The following UBE2O variants were observed in gnomAD, a reference collection of about 807,000 sequenced individuals.
UBE2O encodes ubiquitin conjugating enzyme E2 O.
UBE2O carries 15 observed loss-of-function variants against 125.8 expected under a neutral mutation model. That is an observed-to-expected ratio of 0.12 (90% CI 0.08 to 0.18). UBE2O has a LOEUF of 0.18. Among genes scored for constraint, UBE2O ranks in the 10% least tolerant of loss-of-function variants. The pLI is 1.00. For synonymous variants in UBE2O, 708 were observed against 703.2 expected, an observed-to-expected ratio of 1.01 and a Z score of -0.11; for missense variants, 1,280 against 1,723.6, an observed-to-expected ratio of 0.74 and a Z score of 4.56.
At chr17:76,394,229 C>T (rs1336359740) in intron 15 of UBE2O, among the ~76,000 whole-genome samples, 2 of 152,200 alleles carry the variant, frequency 1.3e-5, no homozygotes, top group Non-Finnish European at 1.5e-5. Context: ...TTCTTACTCC[C>T]TTCCTTCCAG....
At position 76,452,198 on chromosome 17, in the gene UBE2O, G is replaced by A. The variant is rs2073259135; in HGVS notation, c.417+527C>T. On this transcript the variant is annotated intron_variant, in intron 1 of 17. Coordinates refer to ENST00000319380, the MANE Select transcript of UBE2O (RefSeq NM_022066.4). This position sits in a 1 kb window ranked among gnomAD's most constrained non-coding sequence, Gnocchi z 4.4. The stretch of plus-strand genomic sequence containing the variant: ...GAGGCAGCAGGGTAAAACAAAAAGA[G>A]GCTGGGTGGCTTCACCATAATGCAG... 6.6e-6 allele frequency among the ~76,000 whole-genome samples: 1 copy of A among 152,178 alleles called. No individual in the cohort carries two copies. Among genetic ancestry groups the A allele is most frequent in the Admixed American group, 6.5e-5 (1 of 15,284 alleles).
In UBE2O at chr17:76,390,911, C is replaced by G; in HGVS notation, c.*32G>C. On this transcript the variant is annotated 3_prime_UTR_variant, in exon 18 of 18. Coordinates refer to ENST00000319380, the MANE Select transcript of UBE2O (RefSeq NM_022066.4). ...TGAGCAGGCGGCGGCTGGCCTCTCC[C>G]ACGGTGATGCTCTTTCCTCTGTGCC... is the stretch of plus-strand genomic sequence containing the variant. The G allele has an allele frequency of 6.4e-7, 1 of 1,561,232 alleles. No homozygotes were observed. Among genetic ancestry groups the G allele is most frequent in the Non-Finnish European group, 8.7e-7 (1 of 1,154,806 alleles).
intron 1 of UBE2O, among the ~76,000 whole-genome samples, chr17:76,435,267 A>T (rs189730191): frequency 1.5e-3 from 225 of 152,314 alleles, no homozygotes; most frequent in Non-Finnish European, 2.2e-3. Context: ...ATACTCACAC[A>T]CATAGAGTTT....
Position 76,398,611 on chromosome 17 carries a change from C to T in UBE2O, c.1784-27G>A, listed in dbSNP as rs547183186. 92 of 1,606,044 alleles carry T rather than the reference C, an allele frequency of 5.7e-5. 1 individual carries two copies. In the South Asian group the frequency reaches 9.0e-4, roughly 16 times the overall value. ...TAGGGAACCAGAGAAAGGGAAGTGA[C>T]TAGCTAAGGGATCCCGGCTAAGGAG... On this transcript the variant is annotated intron_variant, in intron 10 of 17. Coordinates refer to ENST00000319380, the MANE Select transcript of UBE2O (RefSeq NM_022066.4). This position sits in a 1 kb window ranked among gnomAD's most constrained non-coding sequence, Gnocchi z 5.4.
chr17:76,420,086 C>T (rs552648226), intron 1 of UBE2O, among the ~76,000 whole-genome samples: 59 of 152,292 alleles, frequency 3.9e-4, no homozygotes, highest in East Asian at 1.4e-3. Context: ...CCCTACCCAG[C>T]GCAGCAGTGG....
chr17:76,450,341 C>T (rs1323985067), intron 1 of UBE2O, among the ~76,000 whole-genome samples: 1 of 152,140 alleles, frequency 6.6e-6, no homozygotes, highest in African/African-American at 2.4e-5. Flanking sequence ...TCACCTGTAT[C>T]TATAGCTCAT....
At chr17:76,436,471 A>G (rs189893587) in intron 1 of UBE2O, among the ~76,000 whole-genome samples, 2 of 152,056 alleles carry the variant, frequency 1.3e-5, no homozygotes, top group East Asian at 1.9e-4. Context: ...GACTCCAGCA[A>G]TTTTTCTTCG....
intron 1 of UBE2O, among the ~76,000 whole-genome samples, chr17:76,426,610 T>C (rs982982093): frequency 1.3e-5 from 2 of 152,200 alleles, no homozygotes; most frequent in African/African-American, 4.8e-5. Context: ...ACCCTTAAAA[T>C]TGGAACATGT....
Position 76,405,674 on chromosome 17 carries a change from A to G in UBE2O, c.418-102T>C. On this transcript the variant is annotated intron_variant, in intron 1 of 17. Coordinates refer to ENST00000319380, the MANE Select transcript of UBE2O (RefSeq NM_022066.4). This position sits in a 1 kb window ranked among gnomAD's most constrained non-coding sequence, Gnocchi z 6.1. Reference sequence around the variant, plus strand: ...GGAAAGCGTCACATCCACACTGCTAAGTGCACAAATCCTAAGCGTTTGGCT... The same window carrying G: ...GGAAAGCGTCACATCCACACTGCTAGGTGCACAAATCCTAAGCGTTTGGCT... The G allele has an allele frequency of 9.8e-7, 1 of 1,022,508 alleles. No individual in the cohort carries two copies. The highest frequency in any genetic ancestry group is 2.6e-5 in the East Asian group (1 of 38,554). The allele number at this position is 1,022,508 out of a possible 1,614,324, so 63.3% of individuals were successfully genotyped here.
At chr17:76,424,895 C>T (rs1451931234) in intron 1 of UBE2O, among the ~76,000 whole-genome samples, 7 of 145,082 alleles carry the variant, frequency 4.8e-5, no homozygotes, top group African/African-American at 1.0e-4. Context: ...GACAGAGTCT[C>T]GCCCTCACCC....
intron 1 of UBE2O, among the ~76,000 whole-genome samples, chr17:76,422,600 GC>G (rs1488672924): frequency 6.6e-6 from 1 of 152,222 alleles, no homozygotes; most frequent in Non-Finnish European, 1.5e-5. Context: ...GCCGAGGCAC[GC>G]CAGGCTTGGG....
intron 1 of UBE2O, among the ~76,000 whole-genome samples, chr17:76,440,034 A>G (rs550832531): frequency 6.6e-6 from 1 of 152,364 alleles, no homozygotes; most frequent in Admixed American, 6.5e-5. Context: ...TAGCAGTGAC[A>G]GAGATGCTTC....
Position 76,443,358 on chromosome 17 carries a change from G to A in UBE2O, c.417+9367C>T, listed in dbSNP as rs759144719. Among the ~76,000 whole-genome samples, 5 of 152,160 alleles carry A rather than the reference G, an allele frequency of 3.3e-5. No homozygotes were observed. In the East Asian group the frequency reaches 5.8e-4, roughly 18 times the overall value. ...GGCTGGAGTGCCGGGGCACGATCTC[G>A]GCTCACTGCAACCTCTGCCTCCTGG... On this transcript the variant is annotated intron_variant, in intron 1 of 17. Transcript: ENST00000319380.
At chr17:76,415,497 C>T (rs545546249) in intron 1 of UBE2O, among the ~76,000 whole-genome samples, 5 of 152,150 alleles carry the variant, frequency 3.3e-5, no homozygotes, top group Admixed American at 6.5e-5. Context: ...CAATTGGAAC[C>T]ATGCTGCCAT....
chr17:76,409,729 T>C (rs2072485238), intron 1 of UBE2O, among the ~76,000 whole-genome samples: 1 of 152,140 alleles, frequency 6.6e-6, no homozygotes, highest in African/African-American at 2.4e-5. Flanking sequence ...GACTCAACAG[T>C]GGGGCTGCCC....
chr17:76,430,079 T>C (rs1203517459), intron 1 of UBE2O, among the ~76,000 whole-genome samples: 2 of 152,186 alleles, frequency 1.3e-5, no homozygotes, highest in East Asian at 3.9e-4. Flanking sequence ...CTCCAATTCC[T>C]GATGCTTTCT....
At chr17:76,411,734 G>T (rs899298643) in intron 1 of UBE2O, among the ~76,000 whole-genome samples, 1 of 152,114 alleles carries the variant, frequency 6.6e-6, no homozygotes, top group Non-Finnish European at 1.5e-5. Flanking sequence ...CACCCAGGTT[G>T]GAGGGCAGTG....
intron 1 of UBE2O, among the ~76,000 whole-genome samples, chr17:76,434,038 T>G (rs1220956760): frequency 6.6e-6 from 1 of 152,232 alleles, no homozygotes; most frequent in African/African-American, 2.4e-5. Context: ...TCTTCTACTC[T>G]TAGAAATTAG....
chr17:76,431,470 C>T (rs546384922), intron 1 of UBE2O, among the ~76,000 whole-genome samples: 1 of 152,144 alleles, frequency 6.6e-6, no homozygotes, highest in East Asian at 1.9e-4. Context: ...GAGCCGAGAT[C>T]GCACTCCAGC....
Sources: gnomAD v4.1 joint callset for allele counts (sites outside exome capture counted in the v4.1 genomes callset) on GRCh38, gnomAD v4.1.1 for gene constraint, Gnocchi (gnomAD v3.1) non-coding constraint, MANE v1.5 for transcripts, NCBI Gene and HGNC (gene_info 2026-07-23, HGNC 2026-07-21) for gene names.